The following TSC2 variants were observed in gnomAD, a reference collection of about 807,000 sequenced individuals.
The protein encoded by TSC2 is tuberin.
In TSC2, 29 loss-of-function variants were observed where a neutral mutation model predicts 202.2. The ratio of observed to expected loss-of-function variants is 0.14; its 90% CI spans 0.11 to 0.20. The LOEUF (loss-of-function observed/expected upper bound fraction) is 0.20, where lower values mean the gene tolerates loss of function less well. Ranked by LOEUF, TSC2 falls within the 10% of genes least tolerant of loss-of-function variation. The pLI, the probability that TSC2 is intolerant of heterozygous loss-of-function variation, is 1.00. For missense variants in TSC2, 2,429 were observed against 2,420.0 expected, an observed-to-expected ratio of 1.00 and a Z score of -0.08; for synonymous variants, 1,349 against 1,044.0, an observed-to-expected ratio of 1.29 and a Z score of -5.63.
intron 9 of TSC2, among the ~76,000 whole-genome samples, chr16:2,057,477 C>T (rs1319024857): frequency 6.6e-6 from 1 of 152,170 alleles, no homozygotes; most frequent in African/African-American, 2.4e-5. Flanking sequence ...GGGGTCTTGG[C>T]TTGACGTTGC....
rs372258482 is a variant in TSC2 at position 2,086,724 on chromosome 16, A to G, written c.4850-8A>G. ...CCCACAAACCCATCCGGCCCTGCTC[A>G]CCCTCAGCCGTCTTCCACATCGCCA... is the stretch of plus-strand genomic sequence containing the variant. On this transcript the variant is annotated splice_region_variant and splice_polypyrimidine_tract_variant and intron_variant, in intron 37 of 41. Coordinates refer to ENST00000219476, the MANE Select transcript of TSC2 (RefSeq NM_000548.5). 5 of 1,609,268 alleles carry G rather than the reference A, an allele frequency of 3.1e-6. No individual in the cohort carries two copies. In the African/African-American group the frequency reaches 5.3e-5, roughly 17 times the overall value.
intron 14 of TSC2, 21 bp downstream of exon 14, chr16:2,063,074 A>G (rs769737513): frequency 6.4e-7 from 1 of 1,551,174 alleles, no homozygotes; most frequent in Non-Finnish European, 8.7e-7. Flanking sequence ...AGGCGGCCGC[A>G]GCTGGGGGCT....
At chr16:2,062,439 T>G in intron 12 of TSC2, 58 bp from the exon 13 acceptor site, 1 of 1,487,246 alleles carries the variant, frequency 6.7e-7, no homozygotes, top group Non-Finnish European at 9.2e-7. Context: ...AGCAGCCCAG[T>G]GTGGAGAAGG....
At position 2,072,337 on chromosome 16, in the gene TSC2, C is replaced by A. The variant is rs45517216; in HGVS notation, c.2194C>A (p.Gln732Lys). ...CTTTACTTCCCCTTGCAGTGTGGAC[C>A]AGCTGTGCTCTGCTCTCTGCTCCAT... The part of the protein sequence containing the change: ...LIFTSPCSVD[Q>K]LCSALCSMLS... Residue 732 changes from glutamine to lysine, a missense_variant, in exon 20 of 42, where the codon CAG becomes AAG. Transcript: ENST00000219476. The A allele has an allele frequency of 1.2e-6, 2 of 1,614,134 alleles. No homozygotes were observed. The highest frequency in any genetic ancestry group is 1.7e-6 in the Non-Finnish European group (2 of 1,180,036).
intron 38 of TSC2, 21 bp downstream of exon 38, chr16:2,086,892 G>A (rs1349406679): frequency 6.4e-7 from 1 of 1,565,278 alleles, no homozygotes; most frequent in Non-Finnish European, 8.6e-7. Flanking sequence ...GGCCGTCAGT[G>A]AGGCTGGGCC....
chr16:2,050,801 C>G (rs531977075), intron 3 of TSC2, among the ~76,000 whole-genome samples: 1 of 151,768 alleles, frequency 6.6e-6, no homozygotes, highest in Non-Finnish European at 1.5e-5. Context: ...GTTGGCCAGG[C>G]TGGTCTTGAA....
At chr16:2,067,493 G>C (rs1010402612) in intron 16 of TSC2, among the ~76,000 whole-genome samples, 1 of 151,268 alleles carries the variant, frequency 6.6e-6, no homozygotes, top group African/African-American at 2.4e-5. Flanking sequence ...GGCATCAGCC[G>C]GGTGTGGTGG....
At chr16:2,083,503 T>C in intron 32 of TSC2, 192 bp from the exon 33 acceptor site, 1 of 934,722 alleles carries the variant, frequency 1.1e-6, no homozygotes, top group Non-Finnish European at 1.7e-6. Flanking sequence ...GAGAGGCCTG[T>C]GTCGGGGTCA....
In TSC2 at chr16:2,055,519, A is replaced by G. The variant is rs2085677930; in HGVS notation, c.599A>G (p.Gln200Arg). Reference protein sequence around the residue: ...YLDEYIARMVQMICLLCVRTA... With the variant: ...YLDEYIARMVRMICLLCVRTA... ...GACGAGTACATCGCAAGGATGGTTC[A>G]GTAAGAAAAGAATTGAGATCCTGTT... Residue 200 changes from glutamine to arginine, a missense_variant and splice_region_variant, in exon 6 of 42, where the codon CAG becomes CGG. Physicochemically the swap from Gln to Arg is conservative, Grantham distance 43 (BLOSUM62 1). Transcript: ENST00000219476. The G allele has an allele frequency of 6.2e-7, 1 of 1,613,036 alleles. No individual in the cohort carries two copies. Among genetic ancestry groups the G allele is most frequent in the Non-Finnish European group, 8.5e-7 (1 of 1,178,988 alleles).
At position 2,088,724 on chromosome 16, in the gene TSC2, C is replaced by G; in HGVS notation, c.*114C>G. 7.3e-7 allele frequency: 1 copy of G among 1,369,686 alleles called. No homozygotes were observed. Among genetic ancestry groups the G allele is most frequent in the Middle Eastern group, 2.0e-4 (1 of 5,058 alleles). The allele number at this position is 1,369,686 out of a possible 1,614,324, so 84.8% of individuals were successfully genotyped here. A position where few individuals can be genotyped will look rare whatever the true frequency, so the allele number is the denominator to read the frequency against. ...AGGCACAGATTGCAGTCAGACAGCT[C>G]TTTTATTGACTTTGTCTGCTTGGTG... is the stretch of plus-strand genomic sequence containing the variant. On this transcript the variant is annotated 3_prime_UTR_variant, in exon 42 of 42. Coordinates refer to ENST00000219476, the MANE Select transcript of TSC2 (RefSeq NM_000548.5).
At position 2,076,098 on chromosome 16, in the gene TSC2, T is replaced by C; in HGVS notation, c.2670T>C (p.His890=). 3 of 1,613,948 alleles carry C rather than the reference T, an allele frequency of 1.9e-6. No individual in the cohort carries two copies. Among genetic ancestry groups the C allele is most frequent in the African/African-American group, 1.3e-5 (1 of 75,020 alleles). Residue 890 remains histidine (H), a synonymous_variant, in exon 24 of 42, where the codon CAT becomes CAC. Coordinates refer to ENST00000219476, the MANE Select transcript of TSC2 (RefSeq NM_000548.5). ...KFNQYIVCLA[H]HVIAMWFIRC... Reference sequence around the variant, plus strand: ...ATCAGTACATCGTGTGTCTGGCCCATCACGTCATAGCCATGTGGTTCATCA... The same window carrying C: ...ATCAGTACATCGTGTGTCTGGCCCACCACGTCATAGCCATGTGGTTCATCA...
chr16:2,049,475 T>C (rs1004903597), intron 2 of TSC2, among the ~76,000 whole-genome samples: 1 of 152,234 alleles, frequency 6.6e-6, no homozygotes, highest in Admixed American at 6.5e-5. Context: ...ATTTTTGCAC[T>C]TGTAAAGTTT....
At chr16:2,073,398 A>G (rs1403459559) in intron 21 of TSC2, among the ~76,000 whole-genome samples, 1 of 152,192 alleles carries the variant, frequency 6.6e-6, no homozygotes, top group Non-Finnish European at 1.5e-5. Flanking sequence ...TTCACCTGCG[A>G]TCTGCCTCGC....
intron 26 of TSC2, 193 bp from the exon 27 acceptor site, chr16:2,078,839 C>T (rs1451978542): frequency 5.4e-5 from 37 of 685,832 alleles, no homozygotes; most frequent in African/African-American, 7.1e-5. Flanking sequence ...CCCCACCCAG[C>T]GTCTCCCCGT....
chr16:2,084,337 T>G lies in TSC2; in HGVS notation c.4115T>G (p.Val1372Gly). The change falls in exon 34 of 42, where the codon GTG (valine) becomes GGG (glycine). Residue 1372 changes from valine (V) to glycine (G), a missense_variant. Val to Gly is a moderately radical substitution (Grantham distance 109). Transcript: ENST00000219476. Reference protein sequence around the residue: ...VVSSEGGRPSVDLSFQPSQPL... With the variant: ...VVSSEGGRPSGDLSFQPSQPL... The stretch of plus-strand genomic sequence containing the variant: ...TCCTCGGAGGGTGGCCGGCCCTCTG[T>G]GGACCTCTCCTTCCAGCCCTCGCAG... 6.2e-7 allele frequency: 1 copy of G among 1,612,706 alleles called. No individual in the cohort carries two copies. Among genetic ancestry groups the G allele is most frequent in the South Asian group, 1.1e-5 (1 of 91,076 alleles).
intron 36 of TSC2, among the ~76,000 whole-genome samples, 176 bp downstream of exon 36, chr16:2,085,498 G>A (rs1486014580): frequency 6.6e-6 from 1 of 152,196 alleles, no homozygotes; most frequent in Non-Finnish European, 1.5e-5. Context: ...TGGGGACCCC[G>A]GTGCGAGTGA....
intron 32 of TSC2, chr16:2,083,067 C>T (rs765939527): frequency 5.9e-5 from 27 of 454,182 alleles, no homozygotes; most frequent in Middle Eastern, 1.3e-3. Flanking sequence ...CTGCGTGGGA[C>T]GGGCCCTGGG....
Position 2,053,463 on chromosome 16 carries a change from G to T in TSC2, c.336+11G>T, listed in dbSNP as rs983337757. Reference sequence around the variant, plus strand: ...ATCGTGCAGGGGCAGGTAAGGCCCAGGGCGACGCTGGGATGGGTGACGTCA... The same window carrying T: ...ATCGTGCAGGGGCAGGTAAGGCCCATGGCGACGCTGGGATGGGTGACGTCA... On this transcript the variant is annotated intron_variant, in intron 4 of 41. Transcript: ENST00000219476. The T allele has an allele frequency of 1.9e-6, 3 of 1,555,724 alleles. No individual in the cohort carries two copies. Among genetic ancestry groups the T allele is most frequent in the South Asian group, 2.4e-5 (2 of 84,350 alleles).
At chr16:2,060,913 C>A in intron 11 of TSC2, 100 bp downstream of exon 11, 1 of 1,442,680 alleles carries the variant, frequency 6.9e-7, no homozygotes, top group Non-Finnish European at 9.5e-7. Flanking sequence ...CTGGGGGTCC[C>A]GCAGAGACTG....
Sources: gnomAD v4.1 joint callset for allele counts (sites outside exome capture counted in the v4.1 genomes callset) on GRCh38, gnomAD v4.1.1 for gene constraint, MANE v1.5 for transcripts, NCBI Gene and HGNC (gene_info 2026-07-23, HGNC 2026-07-21) for gene names.